Variants in INPP4B observed in about 807,000 individuals in gnomAD.
The protein encoded by INPP4B is inositol polyphosphate-4-phosphatase type II B, also known as inositol polyphosphate 4-phosphatase type II.
A neutral mutation model predicts 122.5 loss-of-function variants in INPP4B; 55 were observed. That is an observed-to-expected ratio of 0.45 (90% CI 0.36 to 0.56). The LOEUF is 0.56. Ranked by LOEUF, INPP4B falls within the 20% of genes least tolerant of loss-of-function variation. The pLI, the probability that INPP4B is intolerant of heterozygous loss-of-function variation, is 0.00. For missense variants in INPP4B, 1,000 were observed against 1,097.7 expected, an observed-to-expected ratio of 0.91 and a Z score of 1.26; for synonymous variants, 403 against 388.7, an observed-to-expected ratio of 1.04 and a Z score of -0.43.
chr4:142,054,211 C>A (rs1276511693), intron 25 of INPP4B, among the ~76,000 whole-genome samples: 1 of 151,632 alleles, frequency 6.6e-6, no homozygotes. Flanking sequence ...ACCTGGCTGG[C>A]TGCCCCACGC....
chr4:142,511,479 CA>C (rs1256773291), intron 2 of INPP4B, among the ~76,000 whole-genome samples: 2 of 152,090 alleles, frequency 1.3e-5, no homozygotes, highest in African/African-American at 4.8e-5. Flanking sequence ...CCCTGTAAAT[CA>C]GAACACATTA....
chr4:142,777,697 A>G (rs973231943), intron 1 of INPP4B, among the ~76,000 whole-genome samples: 10 of 152,188 alleles, frequency 6.6e-5, no homozygotes, highest in African/African-American at 2.4e-4. Flanking sequence ...AACTACTTAC[A>G]CAATCATACG....
chr4:142,070,770 C>G (rs920169072), intron 25 of INPP4B, among the ~76,000 whole-genome samples: 1 of 152,008 alleles, frequency 6.6e-6, no homozygotes, highest in Non-Finnish European at 1.5e-5. Context: ...CCTAGGAATC[C>G]AAGTTACAAG....
At chr4:142,711,951 G>A (rs1187984516) in intron 2 of INPP4B, among the ~76,000 whole-genome samples, 1 of 152,138 alleles carries the variant, frequency 6.6e-6, no homozygotes, top group African/African-American at 2.4e-5. Flanking sequence ...AAAAGACCGA[G>A]GCATGAGAAT....
intron 12 of INPP4B, among the ~76,000 whole-genome samples, chr4:142,214,485 C>T (rs894198654): frequency 2.6e-5 from 4 of 152,124 alleles, no homozygotes; most frequent in Admixed American, 6.5e-5. Context: ...GGTTGATTAG[C>T]GGCTGGTTAA....
intron 2 of INPP4B, chr4:142,654,367 T>TAAAAAAGAAAAA (rs1753697010): frequency 9.9e-6 from 1 of 101,000 alleles, no homozygotes; most frequent in African/African-American, 3.9e-5. Flanking sequence ...ACTTAAAGTA[T>TAAAAAAGAAAAA]AAAAAAAAAA....
intron 2 of INPP4B, among the ~76,000 whole-genome samples, chr4:142,593,729 CAAT>C (rs1663465804): frequency 6.6e-6 from 1 of 151,996 alleles, no homozygotes; most frequent in Non-Finnish European, 1.5e-5. Flanking sequence ...CCTTTTATAA[CAAT>C]ATTATTATTA....
intron 2 of INPP4B, among the ~76,000 whole-genome samples, chr4:142,591,300 A>T (rs1737432445): frequency 6.6e-6 from 1 of 152,118 alleles, no homozygotes; most frequent in Non-Finnish European, 1.5e-5. Context: ...ACCCCTCAAA[A>T]AAAAAATTAA....
intron 1 of INPP4B, chr4:142,766,749 G>C (rs1772212576): frequency 6.6e-6 from 1 of 152,076 alleles, no homozygotes; most frequent in Non-Finnish European, 1.5e-5. Flanking sequence ...TAAGACCATA[G>C]GAGGCTGGAA....
intron 11 of INPP4B, among the ~76,000 whole-genome samples, chr4:142,246,739 C>T (rs1280505879): frequency 6.6e-6 from 1 of 152,176 alleles, no homozygotes; most frequent in Non-Finnish European, 1.5e-5. Flanking sequence ...ATGTCATCTG[C>T]AAACAGAGAC....
At chr4:142,520,825 A>C (rs1363899036) in intron 2 of INPP4B, among the ~76,000 whole-genome samples, 1 of 151,998 alleles carries the variant, frequency 6.6e-6, no homozygotes, top group Non-Finnish European at 1.5e-5. Flanking sequence ...ATGAATGAAT[A>C]AATGAAGGAC....
chr4:142,142,158 T>C (rs1435482650), intron 18 of INPP4B, among the ~76,000 whole-genome samples: 2 of 152,050 alleles, frequency 1.3e-5, no homozygotes, highest in African/African-American at 2.4e-5. Context: ...CACTAATTAA[T>C]TGTAAAAAAG....
chr4:142,255,204 G>T (rs1431593991), intron 11 of INPP4B, among the ~76,000 whole-genome samples: 1 of 151,798 alleles, frequency 6.6e-6, no homozygotes, highest in African/African-American at 2.4e-5. Flanking sequence ...CCTGAAGGAA[G>T]CGCTAAACAT....
At chr4:142,789,805 T>C (rs1202656601) in intron 1 of INPP4B, among the ~76,000 whole-genome samples, 1 of 151,944 alleles carries the variant, frequency 6.6e-6, no homozygotes, top group Non-Finnish European at 1.5e-5. Flanking sequence ...AGAATAAATC[T>C]AGAAGCATCA....
chr4:142,690,216 C>T (rs962836223), intron 2 of INPP4B, among the ~76,000 whole-genome samples: 3 of 152,062 alleles, frequency 2.0e-5, no homozygotes, highest in Non-Finnish European at 4.4e-5. Flanking sequence ...TTGCAAAGCA[C>T]GAAGACACTG....
chr4:142,455,156 G>A (rs181430086), intron 3 of INPP4B, among the ~76,000 whole-genome samples: 133 of 151,880 alleles, frequency 8.8e-4, no homozygotes, highest in Non-Finnish European at 1.7e-3. Context: ...TATCCTTTGT[G>A]TTACAAATAA....
At chr4:142,033,455 C>T (rs1319826436) in intron 25 of INPP4B, among the ~76,000 whole-genome samples, 2 of 152,100 alleles carry the variant, frequency 1.3e-5, no homozygotes, top group Non-Finnish European at 2.9e-5. Context: ...AAAAAAGCAG[C>T]AAGCCAATGC....
chr4:142,322,064 G>A (rs1342026775), intron 7 of INPP4B, among the ~76,000 whole-genome samples: 20 of 152,072 alleles, frequency 1.3e-4, no homozygotes, highest in Admixed American at 1.3e-3. Context: ...AAGAAGACAA[G>A]GTATATTTCG....
intron 5 of INPP4B, among the ~76,000 whole-genome samples, chr4:142,418,806 T>C (rs190340642): frequency 6.6e-6 from 1 of 152,242 alleles, no homozygotes; most frequent in Admixed American, 6.5e-5. Flanking sequence ...AGATCTTAAC[T>C]AGGGGAGTAA....
Sources: gnomAD v4.1 joint callset for allele counts (sites outside exome capture counted in the v4.1 genomes callset) on GRCh38, gnomAD v4.1.1 for gene constraint, MANE v1.5 for transcripts, NCBI Gene and HGNC (gene_info 2026-07-23, HGNC 2026-07-21) for gene names.